SMOC1: variants seen among roughly 807,000 people sequenced by gnomAD.
The protein encoded by SMOC1 is SPARC-related modular calcium-binding protein 1.
Under a neutral mutation model 56.3 loss-of-function variants are expected in SMOC1, and 22 were observed. The observed-to-expected ratio is 0.39, with a 90% CI of 0.28 to 0.56. SMOC1 has a LOEUF of 0.56. Ranked by LOEUF, SMOC1 falls within the 20% of genes least tolerant of loss-of-function variation. SMOC1 has a pLI of 0.61. For synonymous variants in SMOC1, 193 were observed against 215.0 expected (o/e 0.90, Z 0.89); for missense variants, 509 against 565.4 (o/e 0.90, Z 1.01).
intron 6 of SMOC1, chr14:69,994,181 T>G (rs1183621971): frequency 1.6e-6 from 1 of 620,144 alleles, no homozygotes; most frequent in Non-Finnish European, 2.9e-6. Context: ...CCACTCTGCT[T>G]CCCAGCACAG....
chr14:69,913,137 T>G (rs1342753879), intron 1 of SMOC1, among the ~76,000 whole-genome samples: 1 of 152,202 alleles, frequency 6.6e-6, no homozygotes, highest in South Asian at 2.1e-4. Context: ...TCTGCATGGC[T>G]TCAAAGCCTT....
At chr14:70,021,973 C>T (rs1426295605) in intron 10 of SMOC1, among the ~76,000 whole-genome samples, 1 of 152,156 alleles carries the variant, frequency 6.6e-6, no homozygotes, top group African/African-American at 2.4e-5. Context: ...GCCCTCTGCC[C>T]CACTTCTGAC....
chr14:70,015,289 G>A (rs1170943838), intron 10 of SMOC1, among the ~76,000 whole-genome samples: 3 of 150,982 alleles, frequency 2.0e-5, no homozygotes, highest in Non-Finnish European at 3.0e-5. Context: ...GGTTTGGGGA[G>A]TTGCTAACCA....
At chr14:70,030,188 T>C in intron 11 of SMOC1, 54 bp from the exon 12 acceptor site, 1 of 1,606,692 alleles carries the variant, frequency 6.2e-7, no homozygotes, top group African/African-American at 1.4e-5. Flanking sequence ...TTCTTGCTTA[T>C]ATCTGCCCCC....
intron 4 of SMOC1, among the ~76,000 whole-genome samples, chr14:69,976,390 G>A (rs1883955419): frequency 6.6e-6 from 1 of 152,200 alleles, no homozygotes; most frequent in African/African-American, 2.4e-5. Flanking sequence ...GCTTCCTCTT[G>A]TATATTCTGA....
intron 10 of SMOC1, among the ~76,000 whole-genome samples, chr14:70,015,322 G>A (rs1419417167): frequency 2.6e-5 from 4 of 151,484 alleles, no homozygotes; most frequent in Admixed American, 1.3e-4. Context: ...TTTCAGCAAA[G>A]CAAGATGAAT....
intron 4 of SMOC1, among the ~76,000 whole-genome samples, chr14:69,976,914 C>T (rs921000744): frequency 1.3e-5 from 2 of 152,160 alleles, no homozygotes; most frequent in African/African-American, 4.8e-5. Context: ...CTATAAGAAT[C>T]TACATCAGGA....
intron 11 of SMOC1, among the ~76,000 whole-genome samples, chr14:70,028,280 A>T (rs1305911203): frequency 2.0e-5 from 3 of 152,218 alleles, no homozygotes; most frequent in African/African-American, 7.2e-5. Flanking sequence ...TCCTTTTCTC[A>T]GAACTATCCG....
intron 5 of SMOC1, among the ~76,000 whole-genome samples, chr14:69,985,807 TGAGA>T (rs76997722): frequency 0.058 from 8,826 of 152,330 alleles, 339 homozygotes; most frequent in Non-Finnish European, 0.086. Flanking sequence ...TCAGATATTC[TGAGA>T]GATAGACAAT....
chr14:69,918,841 C>G (rs74767568), intron 1 of SMOC1, among the ~76,000 whole-genome samples: 1 of 152,264 alleles, frequency 6.6e-6, no homozygotes, highest in South Asian at 2.1e-4. Flanking sequence ...CTTCTCTGTC[C>G]CTTCTGACTT....
chr14:69,991,088 T>C (rs892969294), intron 5 of SMOC1, among the ~76,000 whole-genome samples: 1 of 152,200 alleles, frequency 6.6e-6, no homozygotes, highest in Non-Finnish European at 1.5e-5. Context: ...AGGGTTGTTA[T>C]TATTGATGAT....
chr14:70,006,758 C>G (rs939821397), intron 7 of SMOC1, among the ~76,000 whole-genome samples: 3 of 152,230 alleles, frequency 2.0e-5, no homozygotes, highest in African/African-American at 7.2e-5. Flanking sequence ...GGTGACCTCC[C>G]TCTCACATCT....
intron 1 of SMOC1, among the ~76,000 whole-genome samples, chr14:69,919,919 C>CT (rs1491491796): frequency 6.7e-6 from 1 of 149,860 alleles, no homozygotes; most frequent in African/African-American, 2.4e-5. Context: ...TACCCCCCCC[C>CT]CCCTTTCTCC....
At chr14:70,005,308 C>G (rs1328674930) in intron 7 of SMOC1, among the ~76,000 whole-genome samples, 1 of 152,150 alleles carries the variant, frequency 6.6e-6, no homozygotes, top group Non-Finnish European at 1.5e-5. Context: ...TTCCTAATCA[C>G]CATGAGTAAT....
chr14:69,899,328 A>G (rs1958084), intron 1 of SMOC1, among the ~76,000 whole-genome samples: 19,983 of 152,052 alleles, frequency 0.13, 1,770 homozygotes, highest in African/African-American at 0.26. Context: ...ATTGGATCAT[A>G]GGGTTGGATC....
At chr14:70,021,099 T>C (rs1387987215) in intron 10 of SMOC1, among the ~76,000 whole-genome samples, 1 of 152,152 alleles carries the variant, frequency 6.6e-6, no homozygotes, top group Non-Finnish European at 1.5e-5. Context: ...AAGAGCTGCC[T>C]TTGCCTTGGA....
chr14:69,879,737 A>G lies in SMOC1; in HGVS notation c.59A>G (p.Gln20Arg), dbSNP rs1883580206. Residue 20 changes from glutamine (Q) to arginine (R), a missense_variant, in exon 1 of 12, where the codon CAG becomes CGG. Physicochemically the swap from Gln to Arg is conservative, Grantham distance 43. This residue lies in a region of SMOC1 where 315 missense variants were observed against 333.1 expected (regional missense o/e 0.95). Transcript: ENST00000361956. ...CCCCACTTGCTGCTGGTGTTGGTGC[A>G]GCTGTCCCCTGCTCGCGGCCACCGC... ...LTPHLLLVLVQLSPARGHRTT... is the reference protein window; with the variant it reads ...LTPHLLLVLVRLSPARGHRTT... 2.5e-6 allele frequency: 4 copies of G among 1,592,756 alleles called. No homozygotes were observed. The African/African-American group carries it at 5.4e-5, about 21-fold the overall frequency.
At chr14:69,943,460 AGTGG>A (rs1882649684) in intron 1 of SMOC1, among the ~76,000 whole-genome samples, 1 of 152,320 alleles carries the variant, frequency 6.6e-6, no homozygotes, top group African/African-American at 2.4e-5. Flanking sequence ...CGAATTTGAT[AGTGG>A]GTGGGTGAGT....
intron 3 of SMOC1, among the ~76,000 whole-genome samples, chr14:69,969,205 C>T (rs1594829730): frequency 1.3e-5 from 2 of 152,258 alleles, no homozygotes; most frequent in Middle Eastern, 6.8e-3. Flanking sequence ...CTTGTCCTGT[C>T]CAATGCTCCC....
Sources: gnomAD v4.1 joint callset for allele counts (sites outside exome capture counted in the v4.1 genomes callset) on GRCh38, gnomAD v4.1.1 for gene constraint, gnomAD v4.1.1 regional missense constraint, MANE v1.5 for transcripts, NCBI Gene and HGNC (gene_info 2026-07-23, HGNC 2026-07-21) for gene names.